Variants in COLGALT2 observed in about 807,000 individuals in gnomAD.
COLGALT2 encodes the protein procollagen galactosyltransferase 2.
Under a neutral mutation model 73.4 loss-of-function variants are expected in COLGALT2, and 49 were observed. The ratio of observed to expected loss-of-function variants is 0.67; its 90% confidence interval spans 0.53 to 0.85. COLGALT2 has a LOEUF of 0.85. Among genes scored for constraint, COLGALT2 ranks in the 40% least tolerant of loss-of-function variants. The pLI is 0.00. For missense variants in COLGALT2, 722 were observed against 790.2 expected, an observed-to-expected ratio of 0.91 and a Z score of 1.03; for synonymous variants, 295 against 307.6, an observed-to-expected ratio of 0.96 and a Z score of 0.43.
chr1:183,931,517 C>T (rs916431026), downstream of COLGALT2, among the ~76,000 whole-genome samples: 13 of 152,024 alleles, frequency 8.6e-5, no homozygotes, highest in African/African-American at 2.4e-4. Context: ...CCCGGGGGTG[C>T]CTGCAGCGGG....
At chr1:183,945,717 A>G in intron 8 of COLGALT2, 153 bp from the exon 9 acceptor site, 1 of 814,862 alleles carries the variant, frequency 1.2e-6, no homozygotes, top group South Asian at 1.8e-5. Context: ...CCTCCAGGCT[A>G]ATGTGTCACA....
chr1:183,981,475 A>C (rs1235909921), intron 1 of COLGALT2, among the ~76,000 whole-genome samples: 4 of 138,060 alleles, frequency 2.9e-5, no homozygotes, highest in Non-Finnish European at 6.5e-5. Flanking sequence ...CTACATGGTG[A>C]AACCCGTCCC....
At chr1:184,019,912 C>T (rs1273291497) in intron 1 of COLGALT2, among the ~76,000 whole-genome samples, 1 of 152,150 alleles carries the variant, frequency 6.6e-6, no homozygotes, top group East Asian at 1.9e-4. Flanking sequence ...AAAAAATTCA[C>T]CTAAAACGCA....
Position 183,951,045 on chromosome 1 carries a change from C to A in COLGALT2, c.1098G>T (p.Gln366His), listed in dbSNP as rs1282920395. ...RDRMLRTLYE[Q>H]EIEVKIVEAV... ...CCTCGACAATCTTGACCTCAATCTC[C>A]TGTTCATACAGTGTGCGCAGCATCC... Residue 366 changes from glutamine to histidine, a missense_variant, in exon 8 of 12, where the codon CAG becomes CAT. Coordinates refer to ENST00000361927, the MANE Select transcript of COLGALT2 (RefSeq NM_015101.4). 9.3e-6 allele frequency: 15 copies of A among 1,613,862 alleles called. No individual in the cohort carries two copies. The highest frequency in any genetic ancestry group is 1.3e-5 in the Non-Finnish European group (15 of 1,179,812).
chr1:184,017,413 C>G (rs995570460), intron 1 of COLGALT2, among the ~76,000 whole-genome samples: 16 of 152,148 alleles, frequency 1.1e-4, no homozygotes, highest in African/African-American at 3.1e-4. Context: ...TCCTCCGGCC[C>G]TCAATTACTT....
intron 10 of COLGALT2, 59 bp downstream of exon 10, chr1:183,944,137 G>A (rs910232512): frequency 9.2e-6 from 14 of 1,529,754 alleles, no homozygotes; most frequent in African/African-American, 5.6e-5. Flanking sequence ...GGCTCTCTGC[G>A]CATTGGAAAG....
chr1:184,021,457 C>T (rs960034032), intron 1 of COLGALT2, among the ~76,000 whole-genome samples: 3 of 152,076 alleles, frequency 2.0e-5, no homozygotes, highest in African/African-American at 7.2e-5. Context: ...GGTTTGTTAT[C>T]ATGAGAGCGA....
At chr1:184,022,690 A>G (rs1044653133) in intron 1 of COLGALT2, among the ~76,000 whole-genome samples, 3 of 152,244 alleles carry the variant, frequency 2.0e-5, no homozygotes, top group African/African-American at 7.2e-5. Context: ...GCTTAGGGGA[A>G]GCAACACTAA....
chr1:183,951,005 A>G lies in COLGALT2; in HGVS notation c.1136+2T>C, dbSNP rs773489252. On this transcript the variant is annotated splice_donor_variant, in intron 8 of 11. Transcript: ENST00000361927. LOFTEE classifies it high-confidence loss of function. ...TGCAATGGGAGAAGAAACCCAACTCACTTTCCATCCACAGCCTCGACAATC... is the reference window on the plus strand; with the variant it reads ...TGCAATGGGAGAAGAAACCCAACTCGCTTTCCATCCACAGCCTCGACAATC... The G allele has an allele frequency of 1.9e-6, 3 of 1,609,228 alleles. No homozygotes were observed. Among genetic ancestry groups the G allele is most frequent in the Non-Finnish European group, 2.6e-6 (3 of 1,175,792 alleles).
intron 1 of COLGALT2, among the ~76,000 whole-genome samples, chr1:183,985,654 C>T (rs1671467364): frequency 6.6e-6 from 1 of 152,198 alleles, no homozygotes; most frequent in Admixed American, 6.5e-5. Context: ...CCGAGAAAGT[C>T]TAAGACCTCT....
intron 1 of COLGALT2, among the ~76,000 whole-genome samples, chr1:184,026,493 T>C (rs1229652086): frequency 1.3e-5 from 2 of 152,220 alleles, no homozygotes; most frequent in South Asian, 2.1e-4. Context: ...AATGCTGCTA[T>C]ATCAACTTCT....
chr1:183,980,539 T>G (rs1671320795), intron 1 of COLGALT2, among the ~76,000 whole-genome samples: 1 of 152,128 alleles, frequency 6.6e-6, no homozygotes, highest in Non-Finnish European at 1.5e-5. Flanking sequence ...ATATAAAGCT[T>G]AAATGAATAA....
At chr1:183,941,954 CTTT>C (rs34285270) in intron 10 of COLGALT2, among the ~76,000 whole-genome samples, 2 of 142,826 alleles carry the variant, frequency 1.4e-5, no homozygotes, top group Non-Finnish European at 3.1e-5. Flanking sequence ...CGACAGTTTA[CTTT>C]TTTTTTTTTT....
At chr1:184,001,307 T>A (rs12030924) in intron 1 of COLGALT2, among the ~76,000 whole-genome samples, 12,239 of 152,178 alleles carry the variant, frequency 0.08, 901 homozygotes, top group East Asian at 0.43. Context: ...ATGCATCAAG[T>A]TGTGGCTTTC....
intron 1 of COLGALT2, among the ~76,000 whole-genome samples, chr1:184,004,982 C>T (rs1672030624): frequency 6.6e-6 from 1 of 152,196 alleles, no homozygotes; most frequent in South Asian, 2.1e-4. Flanking sequence ...ATGTTTTATA[C>T]TCAAAGAAAG....
intron 1 of COLGALT2, among the ~76,000 whole-genome samples, chr1:184,005,176 A>G (rs1467388292): frequency 6.6e-6 from 1 of 152,118 alleles, no homozygotes; most frequent in African/African-American, 2.4e-5. Flanking sequence ...ACATCTGTGG[A>G]AAGAATGACT....
chr1:184,014,160 G>A (rs765319771), intron 1 of COLGALT2, among the ~76,000 whole-genome samples: 22 of 152,146 alleles, frequency 1.4e-4, no homozygotes, highest in Non-Finnish European at 1.9e-4. Context: ...CTACAGGAAC[G>A]GACCAGACTA....
chr1:183,965,372 G>A (rs957999358), intron 5 of COLGALT2, among the ~76,000 whole-genome samples: 6 of 152,148 alleles, frequency 3.9e-5, no homozygotes, highest in Non-Finnish European at 8.8e-5. Context: ...CAAGTGTGAG[G>A]GTACAAGGAA....
intron 1 of COLGALT2, among the ~76,000 whole-genome samples, chr1:184,012,984 A>T (rs1402638180): frequency 6.6e-6 from 1 of 152,260 alleles, no homozygotes; most frequent in Non-Finnish European, 1.5e-5. Context: ...TAGGGGGCAG[A>T]TCCAAAAAAG....
Sources: allele counts gnomAD v4.1 joint callset (sites outside exome capture counted in the v4.1 genomes callset), GRCh38; gene constraint gnomAD v4.1.1; transcripts MANE v1.5; gene names NCBI Gene and HGNC (gene_info 2026-07-23, HGNC 2026-07-21).